The following COL4A2 variants were observed in gnomAD, a reference collection of about 807,000 sequenced individuals.
COL4A2 encodes collagen type IV alpha 2 chain.
Under a neutral mutation model 200.2 loss-of-function variants are expected in COL4A2, and 99 were observed. The observed-to-expected ratio is 0.49, with a 90% CI of 0.42 to 0.58. COL4A2 has a LOEUF of 0.58. Among genes scored for constraint, COL4A2 ranks in the 20% least tolerant of loss-of-function variants. The probability of loss-of-function intolerance (pLI) is 0.00; values close to 1 mark genes in which losing one functional copy is unlikely to be tolerated. For missense variants in COL4A2, 1,950 were observed against 2,314.1 expected, an observed-to-expected ratio of 0.84 and a Z score of 3.23; for synonymous variants, 897 against 900.6, an observed-to-expected ratio of 1.00 and a Z score of 0.07.
chr13:110,469,086 A>G, intron 27 of COL4A2, 131 bp from the exon 28 acceptor site: 1 of 995,360 alleles, frequency 1.0e-6, no homozygotes, highest in South Asian at 1.7e-5. Flanking sequence ...GTGCTGTTTC[A>G]GGCTGATATT....
At chr13:110,321,231 C>T (rs1237781215) in intron 3 of COL4A2, among the ~76,000 whole-genome samples, 1 of 145,512 alleles carries the variant, frequency 6.9e-6, no homozygotes, top group Non-Finnish European at 1.5e-5. Flanking sequence ...TATATACACA[C>T]ACACACACAC....
At chr13:110,459,340 T>C (rs1322300724) in intron 22 of COL4A2, 1 of 167,146 alleles carries the variant, frequency 6.0e-6, no homozygotes, top group African/African-American at 2.4e-5. Context: ...GATGAATGGA[T>C]CAGCTAAATC....
At chr13:110,385,546 T>TTACAGTGTGTGGATAGGCCGTGGC (rs1878676814) in intron 4 of COL4A2, among the ~76,000 whole-genome samples, 2 of 43,686 alleles carry the variant, frequency 4.6e-5, no homozygotes, top group African/African-American at 8.4e-5. Context: ...TAGGCCGTGG[T>TTACAGTGTGTGGATAGGCCGTGGC]TGCAGTGTGT....
At chr13:110,429,151 C>A (rs1340685043) in intron 7 of COL4A2, 1 of 152,136 alleles carries the variant, frequency 6.6e-6, no homozygotes, top group African/African-American at 2.4e-5. Flanking sequence ...TTTGGTGAGA[C>A]TTTTTATTTA....
At chr13:110,431,268 ATCT>A (rs1320730255) in intron 10 of COL4A2, among the ~76,000 whole-genome samples, 1 of 152,156 alleles carries the variant, frequency 6.6e-6, no homozygotes, top group African/African-American at 2.4e-5. Context: ...GGTGAGAGAG[ATCT>A]TCTCACAGGA....
intron 3 of COL4A2, among the ~76,000 whole-genome samples, chr13:110,353,182 G>GTTA (rs1490008412): frequency 6.6e-6 from 1 of 152,208 alleles, no homozygotes; most frequent in African/African-American, 2.4e-5. Flanking sequence ...ATTCTTTAAA[G>GTTA]AACACTGAGG....
At position 110,472,423 on chromosome 13, in the gene COL4A2, G is replaced by A. The variant is rs117155682; in HGVS notation, c.2204-506G>A. ...TGATTTTCATGGTCAATACAACAGA[G>A]GGGTGTCGTTCCTCTTTGAAGCGTT... On this transcript the variant is annotated intron_variant, in intron 28 of 47. Coordinates refer to ENST00000360467, the MANE Select transcript of COL4A2 (RefSeq NM_001846.4). 7.2e-3 allele frequency among the ~76,000 whole-genome samples: 1,090 copies of A among 152,292 alleles called. 8 individuals are homozygous for A. Among genetic ancestry groups the A allele is most frequent in the Non-Finnish European group, 9.4e-3 (638 of 68,034 alleles).
At chr13:110,506,291 T>G in intron 45 of COL4A2, 124 bp from the exon 46 acceptor site, 1 of 867,678 alleles carries the variant, frequency 1.2e-6, no homozygotes. Flanking sequence ...GGGCTGCAGG[T>G]GCACCAGGCC....
intron 45 of COL4A2, among the ~76,000 whole-genome samples, chr13:110,505,608 G>C (rs1883834578): frequency 6.6e-6 from 1 of 152,188 alleles, no homozygotes; most frequent in African/African-American, 2.4e-5. Flanking sequence ...GGGAGAAAGG[G>C]TCACTGGGGA....
chr13:110,458,800 G>A lies in COL4A2; in HGVS notation c.1462G>A (p.Gly488Ser). 1 of 1,614,090 alleles carries A rather than the reference G, an allele frequency of 6.2e-7. No homozygotes were observed. Among genetic ancestry groups the A allele is most frequent in the Non-Finnish European group, 8.5e-7 (1 of 1,180,000 alleles). ...GDAGECRCTE[G>S]DEAIKGLPGL... ...CGCTGGGGAATGCAGATGTACAGAA[G>A]GCGACGAAGCTATCAAAGGTCTTCC... The change falls in exon 22 of 48, where the codon GGC becomes AGC. Residue 488 changes from glycine to serine, a missense_variant. Around this residue, in one of 2 missense-constraint regions of COL4A2, gnomAD observed 1,385 missense variants for 1,720.5 expected, o/e 0.80. Coordinates refer to ENST00000360467, the MANE Select transcript of COL4A2 (RefSeq NM_001846.4).
intron 37 of COL4A2, among the ~76,000 whole-genome samples, chr13:110,491,804 G>C (rs565034733): frequency 6.6e-6 from 1 of 152,152 alleles, no homozygotes; most frequent in Non-Finnish European, 1.5e-5. Context: ...CTCTCCAGAC[G>C]TCTATTTGGA....
In COL4A2 at chr13:110,506,582, G is replaced by A; in HGVS notation, c.4570G>A (p.Glu1524Lys). ...GYSLLYFEGQ[E>K]KAHNQDLGLA... ...CAGCCTGCTGTACTTCGAGGGCCAG[G>A]AGAAGGCGCACAACCAGGACCTGGG... is the stretch of plus-strand genomic sequence containing the variant. The change falls in exon 46 of 48, where the codon GAG (glutamate) becomes AAG (lysine). Residue 1524 changes from glutamate (E) to lysine (K), a missense_variant. Transcript: ENST00000360467. 6.2e-7 allele frequency: 1 copy of A among 1,612,612 alleles called. No individual in the cohort carries two copies. The highest frequency in any genetic ancestry group is 8.5e-7 in the Non-Finnish European group (1 of 1,179,460).
At chr13:110,318,716 A>G (rs185609646) in intron 3 of COL4A2, among the ~76,000 whole-genome samples, 102 of 152,318 alleles carry the variant, frequency 6.7e-4, no homozygotes, top group African/African-American at 2.4e-3. Context: ...AGGAGCAAGA[A>G]GAAATTGGCT....
intron 3 of COL4A2, among the ~76,000 whole-genome samples, chr13:110,346,991 G>A (rs1876732607): frequency 6.6e-6 from 1 of 152,216 alleles, no homozygotes; most frequent in South Asian, 2.1e-4. Flanking sequence ...CCACGCCTCC[G>A]CATGCCGGGC....
intron 21 of COL4A2, 179 bp downstream of exon 21, chr13:110,457,614 G>T: frequency 1.5e-6 from 1 of 689,582 alleles, no homozygotes; most frequent in Non-Finnish European, 2.7e-6. Context: ...TGGAGCCAGT[G>T]GTGCTGTCTG....
intron 35 of COL4A2, 75 bp from the exon 36 acceptor site, chr13:110,489,636 C>G (rs1275544984): frequency 1.2e-6 from 2 of 1,600,446 alleles, no homozygotes; most frequent in African/African-American, 2.7e-5. Context: ...AGGAATATAA[C>G]AAAATAGAAG....
chr13:110,330,693 C>T (rs1028155396), intron 3 of COL4A2, among the ~76,000 whole-genome samples: 4 of 152,162 alleles, frequency 2.6e-5, no homozygotes, highest in African/African-American at 9.7e-5. Flanking sequence ...GCCTGCGGTG[C>T]CTTCCCAGGC....
intron 47 of COL4A2, among the ~76,000 whole-genome samples, chr13:110,510,515 G>C (rs1430895264): frequency 6.6e-6 from 1 of 152,012 alleles, no homozygotes; most frequent in Non-Finnish European, 1.5e-5. Flanking sequence ...TACCAAGCCA[G>C]AGGTTTGTCC....
intron 4 of COL4A2, among the ~76,000 whole-genome samples, chr13:110,395,055 C>T (rs566252679): frequency 3.5e-4 from 54 of 152,352 alleles, no homozygotes; most frequent in African/African-American, 1.3e-3. Flanking sequence ...CCATTTTCTA[C>T]AAAGCCACGG....
Sources: gnomAD v4.1 joint callset for allele counts (sites outside exome capture counted in the v4.1 genomes callset) on GRCh38, gnomAD v4.1.1 for gene constraint, gnomAD v4.1.1 regional missense constraint, MANE v1.5 for transcripts, NCBI Gene and HGNC (gene_info 2026-07-23, HGNC 2026-07-21) for gene names.